The following INPP5B variants were observed in gnomAD, a reference collection of about 807,000 sequenced individuals.
INPP5B encodes the protein inositol polyphosphate-5-phosphatase B.
INPP5B carries 90 observed loss-of-function variants against 118.5 expected under a neutral mutation model. The observed-to-expected ratio is 0.76, with a 90% CI of 0.64 to 0.90. The LOEUF (loss-of-function observed/expected upper bound fraction) is 0.90, where lower values mean the gene tolerates loss of function less well. Ranked by LOEUF, INPP5B falls within the 40% of genes least tolerant of loss-of-function variation. The pLI is 0.00. For synonymous variants in INPP5B, 385 were observed against 418.9 expected (o/e 0.92, Z 0.99); for missense variants, 984 against 1,125.6 (o/e 0.87, Z 1.80).
chr1:37,878,723 C>T (rs1437294150), intron 15 of INPP5B, among the ~76,000 whole-genome samples: 2 of 151,786 alleles, frequency 1.3e-5, no homozygotes, highest in Admixed American at 6.6e-5. Context: ...GATCTCAGCT[C>T]ACTGCAACCT....
chr1:37,887,014 A>G lies in INPP5B; in HGVS notation c.1015-10T>C, dbSNP rs1643579152. 1.9e-6 allele frequency: 3 copies of G among 1,608,086 alleles called. No homozygotes were observed. Among genetic ancestry groups the G allele is most frequent in the Non-Finnish European group, 2.6e-6 (3 of 1,174,984 alleles). On this transcript the variant is annotated splice_polypyrimidine_tract_variant and intron_variant, in intron 11 of 23. Transcript: ENST00000373024. ...GTCGGATAAGCTTCACCTGGAAAAG[A>G]GAGACATGGCATTAAATAGAAATTG...
chr1:37,868,312 C>CAAA (rs35639791), intron 20 of INPP5B, among the ~76,000 whole-genome samples, 189 bp downstream of exon 20: 9 of 83,022 alleles, frequency 1.1e-4, no homozygotes, highest in African/African-American at 1.4e-4. Flanking sequence ...AACTCTGTCT[C>CAAA]AAAAAAAAAA....
intron 7 of INPP5B, among the ~76,000 whole-genome samples, chr1:37,920,317 T>C (rs560386512): frequency 6.6e-6 from 1 of 152,250 alleles, no homozygotes; most frequent in Admixed American, 6.5e-5. Flanking sequence ...CAAGTAATAA[T>C]AAGTAGGATA....
chr1:37,879,996 A>G (rs1490817677), intron 15 of INPP5B, 89 bp downstream of exon 15: 15 of 728,706 alleles, frequency 2.1e-5, no homozygotes, highest in Non-Finnish European at 3.0e-5. Context: ...CAGGAAGCAT[A>G]TATTCTTCCT....
chr1:37,941,474 A>G (rs28570969), intron 5 of INPP5B, among the ~76,000 whole-genome samples: 66,555 of 150,986 alleles, frequency 0.44, 17,147 homozygotes, highest in Non-Finnish European at 0.58. Context: ...ACAATGAGAC[A>G]CCACCCCCCG....
intron 7 of INPP5B, among the ~76,000 whole-genome samples, chr1:37,928,078 C>T (rs931582881): frequency 6.6e-6 from 1 of 152,142 alleles, no homozygotes; most frequent in Admixed American, 6.6e-5. Flanking sequence ...CAACCCTATA[C>T]TCTCTTACCT....
rs1429299332 is a variant in INPP5B at position 37,888,267 on chromosome 1, T to G, written c.875A>C (p.Gln292Pro). ...CLRLWLSNGI[Q>P]APDVYCVGFQ... Reference sequence around the variant, plus strand: ...CCCTACACAATAGACATCTGGGGCCTGGATACCATTGCTCAGCCACAGCCG... The same window carrying G: ...CCCTACACAATAGACATCTGGGGCCGGGATACCATTGCTCAGCCACAGCCG... Residue 292 changes from glutamine to proline, a missense_variant, in exon 10 of 24, where the codon CAG (glutamine) becomes CCG (proline). Coordinates refer to ENST00000373024, the MANE Select transcript of INPP5B (RefSeq NM_005540.3). The G allele has an allele frequency of 2.5e-6, 4 of 1,579,100 alleles. No individual in the cohort carries two copies. Among genetic ancestry groups the G allele is most frequent in the Admixed American group, 3.7e-5 (2 of 54,656 alleles).
intron 6 of INPP5B, among the ~76,000 whole-genome samples, chr1:37,938,214 A>G (rs1645773120): frequency 1.3e-5 from 2 of 151,962 alleles, no homozygotes; most frequent in Non-Finnish European, 2.9e-5. Context: ...GGTTGCAATG[A>G]GCCGAGATTG....
chr1:37,873,074 C>T lies in INPP5B; in HGVS notation c.2043G>A (p.Leu681=). 2 of 1,614,136 alleles carry T rather than the reference C, an allele frequency of 1.2e-6. No individual in the cohort carries two copies. The highest frequency in any genetic ancestry group is 1.7e-6 in the Non-Finnish European group (2 of 1,180,016). The change falls in exon 19 of 24, where the codon CTG becomes CTA. Residue 681 remains leucine (L), a synonymous_variant. Coordinates refer to ENST00000373024, the MANE Select transcript of INPP5B (RefSeq NM_005540.3). ...NSGEDKIEDI[L]VLHLDRGKDY... ...CCTTTCCCCTGTCCAAGTGCAGAAC[C>T]AGAATGTCCTCAATTTTGTCTTCAC...
intron 16 of INPP5B, 62 bp downstream of exon 16, chr1:37,878,126 G>T (rs1209426380): frequency 1.3e-6 from 2 of 1,575,926 alleles, no homozygotes; most frequent in Non-Finnish European, 1.7e-6. Flanking sequence ...ACAAGAAATG[G>T]TCTTAGTTGT....
intron 7 of INPP5B, among the ~76,000 whole-genome samples, chr1:37,905,534 T>C (rs1031071609): frequency 5.9e-5 from 9 of 152,280 alleles, no homozygotes; most frequent in Non-Finnish European, 1.3e-4. Flanking sequence ...AATTGTTACA[T>C]GCCACTGTGG....
chr1:37,938,504 A>G (rs1349161407), intron 6 of INPP5B, among the ~76,000 whole-genome samples: 2 of 152,066 alleles, frequency 1.3e-5, no homozygotes, highest in African/African-American at 4.8e-5. Context: ...TAATTCTCAC[A>G]ACCCATGAAT....
intron 3 of INPP5B, among the ~76,000 whole-genome samples, chr1:37,944,589 T>C (rs940920911): frequency 4.0e-5 from 6 of 148,424 alleles, no homozygotes; most frequent in African/African-American, 1.5e-4. Flanking sequence ...TGTTCGTTTT[T>C]TTTTTCTTGT....
chr1:37,944,744 G>C (rs2148703868), intron 3 of INPP5B, among the ~76,000 whole-genome samples: 1 of 150,514 alleles, frequency 6.6e-6, no homozygotes, highest in African/African-American at 2.4e-5. Context: ...ACAACACCCA[G>C]CTAATTTTCT....
Position 37,864,318 on chromosome 1 carries a change from T to C in INPP5B, c.2620A>G (p.Ile874Val), listed in dbSNP as rs1415981678. Residue 874 changes from isoleucine to valine, a missense_variant, in exon 23 of 24, where the codon ATT becomes GTT. This residue lies in a region of INPP5B where 634 missense variants were observed against 791.0 expected (regional missense o/e 0.80). Coordinates refer to ENST00000373024, the MANE Select transcript of INPP5B (RefSeq NM_005540.3). ...NSAKNHLDEN[I>V]LASIFGSLLL... ...TAGACATTTGGCTGCTTACCTAGAATATTCTCATCCAAATGATTTTTTGCT... is the reference window on the plus strand; with the variant it reads ...TAGACATTTGGCTGCTTACCTAGAACATTCTCATCCAAATGATTTTTTGCT... The C allele has an allele frequency of 6.3e-7, 1 of 1,574,894 alleles. No individual in the cohort carries two copies. The highest frequency in any genetic ancestry group is 8.7e-7 in the Non-Finnish European group (1 of 1,145,134).
At chr1:37,910,637 A>G (rs1490823336) in intron 7 of INPP5B, among the ~76,000 whole-genome samples, 2 of 152,062 alleles carry the variant, frequency 1.3e-5, no homozygotes, top group East Asian at 3.9e-4. Flanking sequence ...CTCAATGCCA[A>G]TATCCCATCC....
At chr1:37,891,500 C>A (rs1643843316) in intron 7 of INPP5B, 46 bp from the exon 8 acceptor site, 1 of 1,344,786 alleles carries the variant, frequency 7.4e-7, no homozygotes, top group Non-Finnish European at 1.1e-6. Context: ...ATAGGCTGGA[C>A]ATGGTGGCTC....
At chr1:37,902,144 G>A (rs1419821724) in intron 7 of INPP5B, among the ~76,000 whole-genome samples, 2 of 151,570 alleles carry the variant, frequency 1.3e-5, no homozygotes, top group South Asian at 2.1e-4. Context: ...GCACCACCAC[G>A]CCCAGCTAAT....
intron 2 of INPP5B, 26 bp downstream of exon 2, chr1:37,946,226 G>C (rs960949885): frequency 1.2e-6 from 2 of 1,601,602 alleles, no homozygotes; most frequent in East Asian, 2.2e-5. Context: ...GCAGGCTCAG[G>C]GCCGCAGTTA....
Sources: allele counts gnomAD v4.1 joint callset (sites outside exome capture counted in the v4.1 genomes callset), GRCh38; gene constraint gnomAD v4.1.1; regional missense constraint gnomAD v4.1.1; transcripts MANE v1.5; gene names NCBI Gene and HGNC (gene_info 2026-07-23, HGNC 2026-07-21).